Variants in ZBTB20 observed in about 807,000 individuals in gnomAD.
ZBTB20 encodes the protein zinc finger and BTB domain containing 20, also known as zinc finger and BTB domain-containing protein 20.
A neutral mutation model predicts 56.9 loss-of-function variants in ZBTB20; 9 were observed. The ratio of observed to expected loss-of-function variants is 0.16; its 90% CI spans 0.10 to 0.28. ZBTB20 has a LOEUF of 0.28. Among genes scored for constraint, ZBTB20 ranks in the 10% least tolerant of loss-of-function variants. The pLI, the probability that ZBTB20 is intolerant of heterozygous loss-of-function variation, is 1.00. For missense variants in ZBTB20, 655 were observed against 1,003.0 expected (o/e 0.65, Z 4.69); for synonymous variants, 417 against 420.7 (o/e 0.99, Z 0.11).
chr3:114,734,617 AAT>A (rs1283936000), intron 5 of ZBTB20, among the ~76,000 whole-genome samples: 2 of 152,188 alleles, frequency 1.3e-5, no homozygotes, highest in Non-Finnish European at 2.9e-5. Flanking sequence ...CAAGTTTCTA[AAT>A]AAAGATCAAA....
chr3:114,757,569 A>C (rs1218263773), intron 5 of ZBTB20, among the ~76,000 whole-genome samples: 2 of 152,120 alleles, frequency 1.3e-5, no homozygotes, highest in African/African-American at 4.8e-5. Context: ...TAATGGACCA[A>C]ATTTTGCCCT....
At chr3:115,075,279 AT>A (rs2082554863) in intron 1 of ZBTB20, among the ~76,000 whole-genome samples, 1 of 152,062 alleles carries the variant, frequency 6.6e-6, no homozygotes, top group South Asian at 2.1e-4. Context: ...GTAACTTCCC[AT>A]TTTCCCTTTC....
chr3:114,832,801 A>G (rs529801004), intron 4 of ZBTB20, among the ~76,000 whole-genome samples: 2 of 152,260 alleles, frequency 1.3e-5, no homozygotes, highest in South Asian at 4.1e-4. Flanking sequence ...TAGTACATAA[A>G]TATTAACGAA....
At chr3:114,466,694 G>A (rs1232327000) in intron 7 of ZBTB20, among the ~76,000 whole-genome samples, 6 of 152,302 alleles carry the variant, frequency 3.9e-5, no homozygotes, top group African/African-American at 4.8e-5. Flanking sequence ...TGTGCAATGC[G>A]CAACCATCAA....
At chr3:115,131,878 A>C (rs951443252) in intron 1 of ZBTB20, among the ~76,000 whole-genome samples, 42 of 152,170 alleles carry the variant, frequency 2.8e-4, no homozygotes, top group African/African-American at 8.4e-4. Context: ...CATCTTTTTC[A>C]GAATTTGCCA....
At chr3:115,098,121 CAT>C (rs75161516) in intron 1 of ZBTB20, among the ~76,000 whole-genome samples, 8,254 of 152,118 alleles carry the variant, frequency 0.054, 337 homozygotes, top group Admixed American at 0.15. Flanking sequence ...CATAAACACA[CAT>C]AAAGTGAAAT....
At chr3:114,594,182 A>T (rs892710594) in intron 6 of ZBTB20, among the ~76,000 whole-genome samples, 9 of 152,062 alleles carry the variant, frequency 5.9e-5, no homozygotes, top group Non-Finnish European at 1.3e-4. Context: ...TTGAAAAGAG[A>T]TGGTTAAATT....
chr3:114,987,032 G>C (rs1443045087), intron 2 of ZBTB20, among the ~76,000 whole-genome samples: 1 of 151,952 alleles, frequency 6.6e-6, no homozygotes, highest in Non-Finnish European at 1.5e-5. Context: ...ACTAGGGTTT[G>C]ACAAAAATGC....
At chr3:114,598,964 C>T (rs2056546888) in intron 6 of ZBTB20, among the ~76,000 whole-genome samples, 1 of 151,722 alleles carries the variant, frequency 6.6e-6, no homozygotes, top group Non-Finnish European at 1.5e-5. Flanking sequence ...TTTACATTCC[C>T]TTAACGGGGG....
chr3:114,560,988 G>A (rs2051960355), intron 6 of ZBTB20, among the ~76,000 whole-genome samples: 1 of 152,150 alleles, frequency 6.6e-6, no homozygotes, highest in Non-Finnish European at 1.5e-5. Context: ...TATTTTGGTT[G>A]TCATTTCAAA....
chr3:115,050,423 G>A (rs1363285629), intron 2 of ZBTB20, among the ~76,000 whole-genome samples: 1 of 151,638 alleles, frequency 6.6e-6, no homozygotes, highest in African/African-American at 2.4e-5. Flanking sequence ...TTATTTGGGG[G>A]CATGTATGAC....
chr3:114,355,894 A>C (rs1194768690), intron 10 of ZBTB20, among the ~76,000 whole-genome samples: 6 of 152,028 alleles, frequency 3.9e-5, no homozygotes, highest in African/African-American at 1.4e-4. Flanking sequence ...AAAACCACAA[A>C]ACTTTACATA....
intron 3 of ZBTB20, among the ~76,000 whole-genome samples, chr3:114,927,323 G>A (rs949006165): frequency 1.1e-4 from 17 of 152,268 alleles, no homozygotes; most frequent in African/African-American, 3.4e-4. Context: ...TATGTTGATT[G>A]ATGTCTCATG....
chr3:114,936,433 T>C (rs2076537839), intron 3 of ZBTB20, among the ~76,000 whole-genome samples: 1 of 152,144 alleles, frequency 6.6e-6, no homozygotes, highest in Admixed American at 6.5e-5. Flanking sequence ...AGTAAATGAG[T>C]AATCATTACA....
At chr3:114,950,972 A>G (rs1472020750) in intron 3 of ZBTB20, among the ~76,000 whole-genome samples, 1 of 152,158 alleles carries the variant, frequency 6.6e-6, no homozygotes, top group Non-Finnish European at 1.5e-5. Flanking sequence ...TTCTATTTCT[A>G]TATTTTTCAA....
intron 7 of ZBTB20, among the ~76,000 whole-genome samples, chr3:114,400,889 G>A (rs955743231): frequency 3.3e-5 from 5 of 152,094 alleles, no homozygotes; most frequent in Non-Finnish European, 5.9e-5. Context: ...TGGCTGTACC[G>A]AGTCGGCATT....
chr3:114,605,704 C>G (rs2057090541), intron 6 of ZBTB20, among the ~76,000 whole-genome samples: 2 of 152,006 alleles, frequency 1.3e-5, no homozygotes, highest in African/African-American at 4.8e-5. Flanking sequence ...GGGACTCTGA[C>G]TTTTAATGAG....
chr3:114,936,861 T>C (rs1324900518), intron 3 of ZBTB20, among the ~76,000 whole-genome samples: 2 of 152,130 alleles, frequency 1.3e-5, no homozygotes, highest in African/African-American at 4.8e-5. Context: ...ATTGGGTATG[T>C]GAGATAATTA....
intron 6 of ZBTB20, among the ~76,000 whole-genome samples, chr3:114,664,546 A>G (rs1176673528): frequency 1.3e-5 from 2 of 151,924 alleles, no homozygotes; most frequent in African/African-American, 2.4e-5. Context: ...TTGAAGCACT[A>G]CTTGAATTGC....
Sources: gnomAD v4.1 joint callset for allele counts (sites outside exome capture counted in the v4.1 genomes callset) on GRCh38, gnomAD v4.1.1 for gene constraint, MANE v1.5 for transcripts, NCBI Gene and HGNC (gene_info 2026-07-23, HGNC 2026-07-21) for gene names.